The following SYCP1 variants were observed in gnomAD, a reference collection of about 807,000 sequenced individuals.
SYCP1 encodes the protein cancer/testis antigen 8.
In SYCP1, 64 loss-of-function variants were observed where a neutral mutation model predicts 153.1. The observed-to-expected ratio is 0.42, with a 90% CI of 0.34 to 0.51. The LOEUF (loss-of-function observed/expected upper bound fraction) is 0.51. Ranked by LOEUF, SYCP1 falls within the 20% of genes least tolerant of loss-of-function variation. The pLI, the probability that SYCP1 is intolerant of heterozygous loss-of-function variation, is 0.06. For missense variants in SYCP1, 997 were observed against 1,049.0 expected (o/e 0.95, Z 0.68); for synonymous variants, 384 against 341.8 (o/e 1.12, Z -1.36).
intron 27 of SYCP1, among the ~76,000 whole-genome samples, chr1:114,975,662 A>G (rs1672757572): frequency 6.6e-6 from 1 of 151,686 alleles, no homozygotes; most frequent in South Asian, 2.1e-4. Flanking sequence ...CTATAAGCCC[A>G]TTGGTATAGG....
At chr1:114,945,129 T>C (rs1245570757) in intron 25 of SYCP1, 147 bp downstream of exon 25, 1 of 594,390 alleles carries the variant, frequency 1.7e-6, no homozygotes, top group African/African-American at 1.9e-5. Context: ...ATACCCTTGA[T>C]GCCCATTTCT....
chr1:114,881,056 T>TATATAC (rs375436670), intron 12 of SYCP1, among the ~76,000 whole-genome samples: 10,461 of 144,936 alleles, frequency 0.072, 522 homozygotes, highest in East Asian at 0.25. Flanking sequence ...TTTGTGTATA[T>TATATAC]ACACACACAC....
At chr1:114,894,362 T>C (rs968005932) in intron 15 of SYCP1, among the ~76,000 whole-genome samples, 1 of 152,216 alleles carries the variant, frequency 6.6e-6, no homozygotes, top group Non-Finnish European at 1.5e-5. Flanking sequence ...ATAAGGACCC[T>C]TAACAGTGAG....
At chr1:114,926,232 A>G (rs377248548) in intron 21 of SYCP1, 46 bp from the exon 22 acceptor site, 13 of 1,341,048 alleles carry the variant, frequency 9.7e-6, no homozygotes, top group Admixed American at 2.9e-5. Flanking sequence ...GCCTGTTTCA[A>G]CTGGTATACT....
At position 114,926,512 on chromosome 1, in the gene SYCP1, G is replaced by GA. The variant is rs762984894; in HGVS notation, c.1884dup (p.Gly629ArgfsTer12). ...TTTAATTTTAACAGAATAAGGCCTTGAAAAAAAAAGGTACAGCAGAAAGCA... is the reference window on the plus strand; with the variant it reads ...TTTAATTTTAACAGAATAAGGCCTTGAAAAAAAAAAGGTACAGCAGAAAGCA... On this transcript the variant is annotated frameshift_variant, in exon 23 of 32. Transcript: ENST00000369522. LOFTEE classifies it high-confidence loss of function. The GA allele has an allele frequency of 2.4e-4, 375 of 1,557,050 alleles. No individual in the cohort carries two copies. The highest frequency in any genetic ancestry group is 5.6e-4 in the South Asian group (47 of 83,400).
chr1:114,968,179 T>A (rs1056550186), intron 27 of SYCP1, among the ~76,000 whole-genome samples: 1 of 152,052 alleles, frequency 6.6e-6, no homozygotes. Context: ...TCTCTAGGAG[T>A]ATCTTTGTGG....
intron 30 of SYCP1, among the ~76,000 whole-genome samples, chr1:114,985,735 A>AATTATCAAC: frequency 6.6e-6 from 1 of 151,878 alleles, no homozygotes; most frequent in East Asian, 1.9e-4. Context: ...TTTTATAGAT[A>AATTATCAAC]ATTATCAACA....
intron 15 of SYCP1, among the ~76,000 whole-genome samples, chr1:114,890,416 T>G (rs2762678): frequency 0.023 from 3,525 of 151,880 alleles, 54 homozygotes; most frequent in South Asian, 0.035. Flanking sequence ...TACATTTATG[T>G]AAATATAAAT....
chr1:114,872,033 G>C (rs1175772317), intron 8 of SYCP1, among the ~76,000 whole-genome samples: 2 of 141,336 alleles, frequency 1.4e-5, no homozygotes, highest in East Asian at 4.0e-4. Context: ...GCAGAGATGG[G>C]GTCTTGCTAT....
At chr1:114,987,572 G>A (rs555940594) in intron 30 of SYCP1, among the ~76,000 whole-genome samples, 7 of 152,154 alleles carry the variant, frequency 4.6e-5, no homozygotes, top group African/African-American at 1.7e-4. Flanking sequence ...GGCTGAGGTA[G>A]AAGGATCACT....
At chr1:114,952,507 G>T (rs1417099196) in intron 27 of SYCP1, among the ~76,000 whole-genome samples, 2 of 152,098 alleles carry the variant, frequency 1.3e-5, no homozygotes, top group African/African-American at 4.8e-5. Flanking sequence ...CCACAGGGCT[G>T]GGGAGGCCTC....
intron 28 of SYCP1, among the ~76,000 whole-genome samples, chr1:114,979,720 T>A (rs1673031540): frequency 6.6e-6 from 1 of 151,822 alleles, no homozygotes; most frequent in African/African-American, 2.4e-5. Flanking sequence ...GAAAAAGGAT[T>A]ATGAAATGAC....
chr1:114,958,924 C>T (rs552605677), intron 27 of SYCP1, among the ~76,000 whole-genome samples: 52 of 124,026 alleles, frequency 4.2e-4, no homozygotes, highest in African/African-American at 1.3e-3. Context: ...AGTGAGACTC[C>T]GTCTCAAAAA....
chr1:114,886,150 A>G lies in SYCP1; in HGVS notation c.1031A>G (p.Asp344Gly). The change falls in exon 14 of 32, where the codon GAT (aspartate) becomes GGT (glycine). Residue 344 changes from aspartate (D) to glycine (G), a missense_variant. This residue lies in a region of SYCP1 where 285 missense variants were observed against 366.1 expected (regional missense o/e 0.78). Transcript: ENST00000369522. ...AGTACTCAAAAGGCTTTAGAGGAAG[A>G]TTTACAGATAGCAACAAAAACAATT... Reference protein sequence around the residue: ...SVSTQKALEEDLQIATKTICQ... With the variant: ...SVSTQKALEEGLQIATKTICQ... 1.2e-6 allele frequency: 2 copies of G among 1,605,578 alleles called. No homozygotes were observed. Among genetic ancestry groups the G allele is most frequent in the Non-Finnish European group, 1.7e-6 (2 of 1,177,078 alleles).
At chr1:114,913,270 T>C in intron 19 of SYCP1, 120 bp downstream of exon 19, 2 of 767,632 alleles carry the variant, frequency 2.6e-6, no homozygotes, top group Non-Finnish European at 4.2e-6. Flanking sequence ...AAAACTTTGT[T>C]TTAGCAGAAA....
chr1:114,952,923 G>A (rs558966709), intron 27 of SYCP1, among the ~76,000 whole-genome samples: 4 of 152,188 alleles, frequency 2.6e-5, no homozygotes, highest in Non-Finnish European at 2.9e-5. Flanking sequence ...ATAAAGAACA[G>A]AAATGTATTT....
Position 114,890,616 on chromosome 1 carries a change from T to G in SYCP1, c.1258+2923T>G, listed in dbSNP as rs576976119. ...TAGACTTTAAGGCTTTGGATAGTTG[T>G]AGAGGATGAAGGAGTGTACAAAACA... On this transcript the variant is annotated intron_variant, in intron 15 of 31. Coordinates refer to ENST00000369522, the MANE Select transcript of SYCP1 (RefSeq NM_003176.4). Among the ~76,000 whole-genome samples, 3 of 152,230 alleles carry G rather than the reference T, an allele frequency of 2.0e-5. No individual in the cohort carries two copies. The East Asian group carries it at 5.8e-4, about 29-fold the overall frequency.
chr1:114,966,217 A>G (rs747898030), intron 27 of SYCP1, among the ~76,000 whole-genome samples: 1 of 151,462 alleles, frequency 6.6e-6, no homozygotes, highest in African/African-American at 2.4e-5. Flanking sequence ...TATTGTGTCT[A>G]TTTGATTTTT....
intron 29 of SYCP1, among the ~76,000 whole-genome samples, chr1:114,982,873 T>C (rs1009275559): frequency 1.8e-4 from 27 of 152,070 alleles, no homozygotes; most frequent in Admixed American, 6.6e-5. Context: ...CATGATTTGT[T>C]GTTGCTACTT....
Sources: allele counts gnomAD v4.1 joint callset (sites outside exome capture counted in the v4.1 genomes callset), GRCh38; gene constraint gnomAD v4.1.1; regional missense constraint gnomAD v4.1.1; transcripts MANE v1.5; gene names NCBI Gene and HGNC (gene_info 2026-07-23, HGNC 2026-07-21).